EFCAB6: variants seen among roughly 807,000 people sequenced by gnomAD.
EFCAB6 encodes EF-hand calcium-binding domain-containing protein 6.
Under a neutral mutation model 169.8 loss-of-function variants are expected in EFCAB6, and 156 were observed. The observed-to-expected ratio is 0.92, with a 90% CI of 0.81 to 1.05. EFCAB6 has a LOEUF of 1.05. Among genes scored for constraint, EFCAB6 ranks in the 50% least tolerant of loss-of-function variants. The pLI is 0.00. For missense variants in EFCAB6, 1,800 were observed against 1,829.1 expected (o/e 0.98, Z 0.29); for synonymous variants, 698 against 676.4 (o/e 1.03, Z -0.50).
chr22:43,655,628 C>T (rs542587578), intron 17 of EFCAB6, among the ~76,000 whole-genome samples: 5 of 151,380 alleles, frequency 3.3e-5, no homozygotes, highest in African/African-American at 1.2e-4. Context: ...ATTACAATGA[C>T]AGATATAAAG....
At chr22:43,784,539 GTGTGTA>G (rs1189948874) in intron 2 of EFCAB6, among the ~76,000 whole-genome samples, 1 of 91,954 alleles carries the variant, frequency 1.1e-5, no homozygotes, top group Admixed American at 1.4e-4. Flanking sequence ...GTGTGTGTGT[GTGTGTA>G]TATGTATATA....
intron 21 of EFCAB6, among the ~76,000 whole-genome samples, chr22:43,613,360 T>A (rs934035082): frequency 6.6e-6 from 1 of 152,038 alleles, no homozygotes; most frequent in Non-Finnish European, 1.5e-5. Flanking sequence ...GGAATCAACC[T>A]AAATGCCCAT....
At chr22:43,613,241 CAT>C (rs2053451587) in intron 21 of EFCAB6, among the ~76,000 whole-genome samples, 1 of 148,100 alleles carries the variant, frequency 6.8e-6, no homozygotes, top group South Asian at 2.1e-4. Context: ...ATATTCATAT[CAT>C]ATATTTATAC....
chr22:43,674,410 G>T (rs926881685), intron 13 of EFCAB6, among the ~76,000 whole-genome samples: 2 of 152,150 alleles, frequency 1.3e-5, no homozygotes, highest in African/African-American at 4.8e-5. Context: ...GTGACTCTGA[G>T]ACTGGGAGGG....
intron 4 of EFCAB6, among the ~76,000 whole-genome samples, chr22:43,770,650 C>T (rs192953702): frequency 2.6e-5 from 4 of 152,040 alleles, no homozygotes; most frequent in East Asian, 3.9e-4. Flanking sequence ...TGATAAGAGT[C>T]GGTGAACTTA....
rs147977403 is a variant in EFCAB6, at chr22:43,573,836, A to G, written c.3420+2461T>C. Among the ~76,000 whole-genome samples, 535 of 152,264 alleles carry G rather than the reference A, an allele frequency of 3.5e-3. 2 individuals carry two copies. The highest frequency in any genetic ancestry group is 0.012 in the African/African-American group (514 of 41,554). On this transcript the variant is annotated intron_variant, in intron 26 of 31. Coordinates refer to ENST00000262726, the MANE Select transcript of EFCAB6 (RefSeq NM_022785.4). Reference sequence around the variant, plus strand: ...AATTATTTTCTTCAAATGTATCAGCATATTCCAAACAGTATATAATGGACA... The same window carrying G: ...AATTATTTTCTTCAAATGTATCAGCGTATTCCAAACAGTATATAATGGACA...
intron 17 of EFCAB6, among the ~76,000 whole-genome samples, chr22:43,652,098 G>A (rs1248575750): frequency 6.6e-6 from 1 of 152,182 alleles, no homozygotes; most frequent in Non-Finnish European, 1.5e-5. Context: ...GAGAACATGA[G>A]ATTTGGAAGG....
At chr22:43,627,831 T>C (rs1488059320) in intron 19 of EFCAB6, among the ~76,000 whole-genome samples, 3 of 152,208 alleles carry the variant, frequency 2.0e-5, no homozygotes, top group Non-Finnish European at 4.4e-5. Context: ...TGCAAGTGTG[T>C]GGGGATTTTG....
chr22:43,558,521 A>G (rs914100302), intron 26 of EFCAB6, among the ~76,000 whole-genome samples: 3 of 152,132 alleles, frequency 2.0e-5, no homozygotes, highest in African/African-American at 7.2e-5. Context: ...CCATTTTTCC[A>G]AAGTATGTGC....
At position 43,600,401 on chromosome 22, in the gene EFCAB6, C is replaced by T. The variant is rs531270559; in HGVS notation, c.2682-138G>A. The stretch of plus-strand genomic sequence containing the variant: ...CACCACTCGGAGCATGCCCTGTGGG[C>T]CAGCGGAATCAGCCCCGCCTGGCAG... On this transcript the variant is annotated intron_variant, in intron 22 of 31. Coordinates refer to ENST00000262726, the MANE Select transcript of EFCAB6 (RefSeq NM_022785.4). 4.6e-6 allele frequency: 4 copies of T among 864,472 alleles called. No individual in the cohort carries two copies. In the East Asian group the frequency reaches 7.6e-5, roughly 16 times the overall value. 53.6% of individuals were successfully genotyped at this position (864,472 alleles called of 1,614,324 possible). A position where few individuals can be genotyped will look rare whatever the true frequency, so the allele number is the denominator to read the frequency against.
At chr22:43,606,641 G>A (rs1000296270) in intron 22 of EFCAB6, among the ~76,000 whole-genome samples, 9 of 152,218 alleles carry the variant, frequency 5.9e-5, no homozygotes, top group African/African-American at 1.7e-4. Flanking sequence ...TCATGCCCAC[G>A]CATCTGGCTG....
intron 26 of EFCAB6, among the ~76,000 whole-genome samples, chr22:43,569,450 C>T (rs1346383971): frequency 6.6e-6 from 1 of 152,232 alleles, no homozygotes; most frequent in Non-Finnish European, 1.5e-5. Context: ...AGGAAGCAGA[C>T]ACCACCCATG....
rs1442447488 is a variant in EFCAB6, at chr22:43,534,805, G to A, written c.4116C>T (p.Asp1372=). 1 of 1,614,030 alleles carries A rather than the reference G, an allele frequency of 6.2e-7. No homozygotes were observed. Among genetic ancestry groups the A allele is most frequent in the Admixed American group, 1.7e-5 (1 of 60,006 alleles). ...ATGCAAATTTCCCGTTGCTCTTTAA[G>A]TCGTATTTTATAATGAGCTGCTGAC... The part of the protein sequence containing the change: ...EECQQLIIKY[D]LKSNGKFAYC... The change falls in exon 30 of 32, where the codon GAC becomes GAT. Residue 1372 remains aspartate, a synonymous_variant. Coordinates refer to ENST00000262726, the MANE Select transcript of EFCAB6 (RefSeq NM_022785.4).
chr22:43,686,182 G>A (rs1284031200), intron 11 of EFCAB6, among the ~76,000 whole-genome samples: 1 of 152,164 alleles, frequency 6.6e-6, no homozygotes, highest in Admixed American at 6.5e-5. Context: ...GTTTCTCCAT[G>A]TTGGTCAGGC....
intron 20 of EFCAB6, among the ~76,000 whole-genome samples, chr22:43,623,277 G>T (rs2054233026): frequency 2.0e-5 from 3 of 152,296 alleles, no homozygotes; most frequent in African/African-American, 7.2e-5. Context: ...CATCTTTTAA[G>T]ATGTTTGTGC....
chr22:43,811,731 C>T (rs950434607), intron 1 of EFCAB6, among the ~76,000 whole-genome samples: 1 of 152,148 alleles, frequency 6.6e-6, no homozygotes, highest in Non-Finnish European at 1.5e-5. Context: ...GTTTCAAGTC[C>T]TCGTCTGTCT....
At chr22:43,743,441 C>T (rs1305009867) in intron 6 of EFCAB6, among the ~76,000 whole-genome samples, 1 of 152,236 alleles carries the variant, frequency 6.6e-6, no homozygotes. Context: ...CAAATCCCAG[C>T]TCCGCACCTG....
At position 43,692,625 on chromosome 22, in the gene EFCAB6, A is replaced by G. The variant is rs575235811; in HGVS notation, c.1032-5044T>C. On this transcript the variant is annotated intron_variant, in intron 10 of 31. Transcript: ENST00000262726. Reference sequence around the variant, plus strand: ...ATTTACTGAATAGACTTAACAAAAGAATAGAGAAGATAGAGAAAAGAGTGA... The same window carrying G: ...ATTTACTGAATAGACTTAACAAAAGGATAGAGAAGATAGAGAAAAGAGTGA... Among the ~76,000 whole-genome samples, 4 of 152,302 alleles carry G rather than the reference A, an allele frequency of 2.6e-5. No homozygotes were observed. In the East Asian group the frequency reaches 7.7e-4, roughly 29 times the overall value.
chr22:43,646,630 T>C (rs2056175826), intron 17 of EFCAB6, among the ~76,000 whole-genome samples: 1 of 152,202 alleles, frequency 6.6e-6, no homozygotes, highest in African/African-American at 2.4e-5. Flanking sequence ...AAGAGCCCCA[T>C]CTTACATCGA....
Sources: gnomAD v4.1 joint callset for allele counts (sites outside exome capture counted in the v4.1 genomes callset) on GRCh38, gnomAD v4.1.1 for gene constraint, MANE v1.5 for transcripts, NCBI Gene and HGNC (gene_info 2026-07-23, HGNC 2026-07-21) for gene names.